The following TTC27 variants were observed in gnomAD, a reference collection of about 807,000 sequenced individuals.
TTC27 encodes the protein tetratricopeptide repeat domain 27.
TTC27 carries 79 observed loss-of-function variants against 115.9 expected under a neutral mutation model. The observed-to-expected ratio is 0.68, with a 90% CI of 0.57 to 0.82. The LOEUF is 0.82. Ranked by LOEUF, TTC27 falls within the 40% of genes least tolerant of loss-of-function variation. The pLI is 0.00. For synonymous variants in TTC27, 401 were observed against 356.0 expected, an observed-to-expected ratio of 1.13 and a Z score of -1.42; for missense variants, 1,054 against 993.1, an observed-to-expected ratio of 1.06 and a Z score of -0.82.
chr2:32,722,940 C>G (rs1667975048), intron 10 of TTC27, among the ~76,000 whole-genome samples: 1 of 152,034 alleles, frequency 6.6e-6, no homozygotes, highest in African/African-American at 2.4e-5. Context: ...TGGGCTGAAT[C>G]CAGGATATGA....
At chr2:32,683,521 T>A (rs1318293947) in intron 9 of TTC27, among the ~76,000 whole-genome samples, 1 of 152,218 alleles carries the variant, frequency 6.6e-6, no homozygotes, top group Admixed American at 6.5e-5. Context: ...TTGAAATATA[T>A]ATGAAATATG....
Position 32,803,652 on chromosome 2 carries a change from C to A in TTC27, c.1999-7372C>A, listed in dbSNP as rs575515077. Among the ~76,000 whole-genome samples the A allele has an allele frequency of 4.6e-5, 7 of 152,174 alleles. No individual in the cohort carries two copies. In the South Asian group the frequency reaches 1.0e-3, roughly 23 times the overall value. ...TCAGAAGGAGTTGGCAACTTGTGTT[C>A]CTTTATAATGAAGATTAACAATAAA... On this transcript the variant is annotated intron_variant, in intron 16 of 19. Transcript: ENST00000317907.
intron 4 of TTC27, among the ~76,000 whole-genome samples, chr2:32,644,662 C>T (rs1664781534): frequency 6.6e-6 from 1 of 152,032 alleles, no homozygotes; most frequent in Non-Finnish European, 1.5e-5. Context: ...CTCCTGGCCT[C>T]AAGTGATCCT....
At chr2:32,817,174 C>G (rs1361613357) in intron 18 of TTC27, among the ~76,000 whole-genome samples, 1 of 151,318 alleles carries the variant, frequency 6.6e-6, no homozygotes, top group Admixed American at 6.6e-5. Flanking sequence ...CAGCAGGAGA[C>G]TAGCTTGAGG....
intron 10 of TTC27, among the ~76,000 whole-genome samples, chr2:32,710,483 C>A (rs1050415048): frequency 7.2e-6 from 1 of 138,534 alleles, no homozygotes; most frequent in African/African-American, 2.8e-5. Flanking sequence ...GGCTAGAGTG[C>A]AGTGGCGTGA....
chr2:32,652,964 T>C (rs1665185913), intron 5 of TTC27, among the ~76,000 whole-genome samples: 2 of 152,146 alleles, frequency 1.3e-5, no homozygotes, highest in South Asian at 4.1e-4. Context: ...TCTATCAAAA[T>C]GTCAACATAA....
At chr2:32,786,714 T>C (rs1320861669) in intron 15 of TTC27, among the ~76,000 whole-genome samples, 1 of 152,182 alleles carries the variant, frequency 6.6e-6, no homozygotes, top group Admixed American at 6.5e-5. Context: ...CTGGGATTGA[T>C]ACCTAGTTTT....
At chr2:32,780,943 G>A (rs899051577) in intron 14 of TTC27, among the ~76,000 whole-genome samples, 17 of 151,848 alleles carry the variant, frequency 1.1e-4, no homozygotes, top group African/African-American at 2.9e-4. Context: ...AATTTGGGGC[G>A]TATATGCATG....
At chr2:32,635,835 T>C (rs2151860432) in intron 3 of TTC27, among the ~76,000 whole-genome samples, 2 of 152,326 alleles carry the variant, frequency 1.3e-5, no homozygotes, top group East Asian at 3.9e-4. Flanking sequence ...ACTCTTTGCA[T>C]ATCAGCTTAG....
chr2:32,669,800 C>T lies in TTC27; in HGVS notation c.940-2472C>T, dbSNP rs570613731. On this transcript the variant is annotated intron_variant, in intron 7 of 19. Coordinates refer to ENST00000317907, the MANE Select transcript of TTC27 (RefSeq NM_017735.5). ...ACTTGGGAGGCTGAGGCAGGAGAAT[C>T]GCCTGAACCCAGGAGGTGGAGGTTG... Among the ~76,000 whole-genome samples, 21 of 148,518 alleles carry T rather than the reference C, an allele frequency of 1.4e-4. No individual in the cohort carries two copies. The East Asian group carries it at 2.6e-3, about 19-fold the overall frequency.
At chr2:32,690,088 G>A (rs1271978383) in intron 9 of TTC27, among the ~76,000 whole-genome samples, 1 of 152,150 alleles carries the variant, frequency 6.6e-6, no homozygotes, top group African/African-American at 2.4e-5. Context: ...AATCAAGACA[G>A]TGTACAACAG....
At chr2:32,789,609 A>G (rs1670461000) in intron 16 of TTC27, among the ~76,000 whole-genome samples, 1 of 152,158 alleles carries the variant, frequency 6.6e-6, no homozygotes. Flanking sequence ...TTGGAATTTT[A>G]AGAACATTTG....
intron 3 of TTC27, among the ~76,000 whole-genome samples, chr2:32,639,774 C>A (rs188415011): frequency 6.6e-6 from 1 of 152,198 alleles, no homozygotes; most frequent in East Asian, 1.9e-4. Flanking sequence ...GAGACCAAGG[C>A]AGGGGATCAC....
At chr2:32,744,531 C>T (rs2151920562) in intron 12 of TTC27, among the ~76,000 whole-genome samples, 1 of 152,294 alleles carries the variant, frequency 6.6e-6, no homozygotes, top group Non-Finnish European at 1.5e-5. Context: ...TTCAAGTCCC[C>T]TCTTCCTAGA....
intron 16 of TTC27, among the ~76,000 whole-genome samples, chr2:32,790,420 A>C (rs1022281460): frequency 1.3e-5 from 2 of 152,036 alleles, no homozygotes; most frequent in African/African-American, 4.8e-5. Flanking sequence ...TTGTTTATCC[A>C]TTTTATAATT....
chr2:32,784,204 T>A (rs888329691), intron 15 of TTC27, among the ~76,000 whole-genome samples: 1 of 152,212 alleles, frequency 6.6e-6, no homozygotes, highest in African/African-American at 2.4e-5. Context: ...TCCAGCCCAA[T>A]CATGTTAGGA....
intron 19 of TTC27, among the ~76,000 whole-genome samples, chr2:32,818,666 G>A (rs1671586090): frequency 6.6e-6 from 1 of 152,192 alleles, no homozygotes; most frequent in African/African-American, 2.4e-5. Context: ...ATAACTTCTA[G>A]CACAATTTAG....
rs555685038 is a variant in TTC27, at chr2:32,812,686, T to C, written c.2308+71T>C. ...TTCTACTGACAGAAAAGAGTGTTGG[T>C]CAAAAGTAAAGTTCCATTATAAATA... On this transcript the variant is annotated intron_variant, in intron 18 of 19. Coordinates refer to ENST00000317907, the MANE Select transcript of TTC27 (RefSeq NM_017735.5). The C allele has an allele frequency of 1.0e-3, 1,221 of 1,168,424 alleles. 1 individual carries two copies. The highest frequency in any genetic ancestry group is 1.3e-3 in the Non-Finnish European group (1,040 of 783,940). 72.4% of individuals were successfully genotyped at this position (1,168,424 alleles called of 1,614,324 possible).
At chr2:32,771,942 A>G (rs1268175654) in intron 13 of TTC27, among the ~76,000 whole-genome samples, 7 of 152,196 alleles carry the variant, frequency 4.6e-5, no homozygotes, top group African/African-American at 7.2e-5. Context: ...ATTATATGTG[A>G]CAGAAAAATT....
Sources: gnomAD v4.1 joint callset for allele counts (sites outside exome capture counted in the v4.1 genomes callset) on GRCh38, gnomAD v4.1.1 for gene constraint, MANE v1.5 for transcripts, NCBI Gene and HGNC (gene_info 2026-07-23, HGNC 2026-07-21) for gene names.